FHDC1: variants seen among roughly 807,000 people sequenced by gnomAD.
The protein encoded by FHDC1 is FH2 domain containing 1.
Under a neutral mutation model 52.6 loss-of-function variants are expected in FHDC1, and 25 were observed. The ratio of observed to expected loss-of-function variants is 0.48; its 90% CI spans 0.35 to 0.66. The LOEUF (loss-of-function observed/expected upper bound fraction) is 0.66, where lower values mean the gene tolerates loss of function less well. Among genes scored for constraint, FHDC1 ranks in the 30% least tolerant of loss-of-function variants. The pLI is 0.01. For missense variants in FHDC1, 1,459 were observed against 1,452.8 expected (o/e 1.00, Z -0.07); for synonymous variants, 616 against 581.5 (o/e 1.06, Z -0.85).
the FHDC1 span, among the ~76,000 whole-genome samples, chr4:152,922,716 TA>T: frequency 6.6e-6 from 1 of 152,076 alleles, no homozygotes; most frequent in Non-Finnish European, 1.5e-5. Flanking sequence ...CGCAAATCAA[TA>T]AATGTAATCC....
Position 152,960,424 on chromosome 4 carries a change from C to T in FHDC1, c.664-141C>T, listed in dbSNP as rs181223640. On this transcript the variant is annotated intron_variant, in intron 4 of 11. Transcript: ENST00000511601. ...AACCAAATAGCAGATGGGAGGATTT[C>T]CTTTTTTGTCTTTTCTAAATTAATT... is the stretch of plus-strand genomic sequence containing the variant. The T allele has an allele frequency of 1.7e-5, 13 of 783,878 alleles. No individual in the cohort carries two copies. In the South Asian group the frequency reaches 1.8e-4, roughly 11 times the overall value. 48.6% of individuals were successfully genotyped at this position (783,878 alleles called of 1,614,324 possible).
upstream of FHDC1, among the ~76,000 whole-genome samples, chr4:152,932,557 G>T (rs970367375): frequency 1.3e-5 from 2 of 152,206 alleles, no homozygotes; most frequent in African/African-American, 2.4e-5. Flanking sequence ...GCATTTGTCT[G>T]CAAATCTGTT....
At chr4:152,968,975 G>A (rs3749595) in intron 10 of FHDC1, among the ~76,000 whole-genome samples, 3,525 of 152,054 alleles carry the variant, frequency 0.023, 241 homozygotes, top group East Asian at 0.22. Flanking sequence ...AGGGTGTGTC[G>A]GGAGCTGCTC....
At chr4:152,912,877 A>G in the FHDC1 span, among the ~76,000 whole-genome samples, 5 of 152,206 alleles carry the variant, frequency 3.3e-5, no homozygotes, top group Admixed American at 1.3e-4. Context: ...TGCAAAAGCA[A>G]TTTAGCTGAA....
At chr4:152,953,058 C>T (rs931424042) in intron 2 of FHDC1, among the ~76,000 whole-genome samples, 4 of 151,748 alleles carry the variant, frequency 2.6e-5, no homozygotes, top group Non-Finnish European at 4.4e-5. Flanking sequence ...CACTTGAACC[C>T]GGTAGGCAGA....
At chr4:152,971,457 TCC>T (rs1178535347) in intron 10 of FHDC1, among the ~76,000 whole-genome samples, 1 of 152,178 alleles carries the variant, frequency 6.6e-6, no homozygotes, top group African/African-American at 2.4e-5. Flanking sequence ...CTCATGCAGC[TCC>T]CCATGTTGTC....
chr4:152,975,944 G>C lies in FHDC1; in HGVS notation c.2653G>C (p.Gly885Arg), dbSNP rs765505969. 3 of 1,514,576 alleles carry C rather than the reference G, an allele frequency of 2.0e-6. No individual in the cohort carries two copies. The highest frequency in any genetic ancestry group is 2.6e-6 in the Non-Finnish European group (3 of 1,133,776). The allele number at this position is 1,514,576 out of a possible 1,614,324, so 93.8% of individuals were successfully genotyped here. The part of the protein sequence containing the change: ...SKPGSARRSQ[G>R]AVAKSVRTLT... ...GCCCGGGAGCGCCCGGCGGAGCCAGGGGGCAGTGGCCAAGTCTGTGCGGAC... is the reference window on the plus strand; with the variant it reads ...GCCCGGGAGCGCCCGGCGGAGCCAGCGGGCAGTGGCCAAGTCTGTGCGGAC... Residue 885 changes from glycine to arginine, a missense_variant, in exon 12 of 12, where the codon GGG (glycine) becomes CGG (arginine). Physicochemically the swap from Gly to Arg is moderately radical, Grantham distance 125. Around this residue, in one of 3 missense-constraint regions of FHDC1, gnomAD observed 939 missense variants for 854.5 expected, o/e 1.10. Coordinates refer to ENST00000511601, the MANE Select transcript of FHDC1 (RefSeq NM_001371116.1).
intron 1 of FHDC1, among the ~76,000 whole-genome samples, chr4:152,941,198 T>C (rs79759049): frequency 0.022 from 3,299 of 152,306 alleles, 112 homozygotes; most frequent in African/African-American, 0.074. Flanking sequence ...ACTAAAATAT[T>C]TGCTTTTGTA....
intron 10 of FHDC1, among the ~76,000 whole-genome samples, chr4:152,970,949 C>T (rs1740620865): frequency 6.6e-6 from 1 of 152,192 alleles, no homozygotes; most frequent in Admixed American, 6.5e-5. Context: ...TTTCCCAGCC[C>T]ATCCCCACTT....
chr4:152,945,331 C>A (rs1411784406), intron 2 of FHDC1, among the ~76,000 whole-genome samples: 1 of 152,024 alleles, frequency 6.6e-6, no homozygotes, highest in African/African-American at 2.4e-5. Flanking sequence ...CACCCCTGCA[C>A]CCTATGCAGA....
At chr4:152,941,486 T>C (rs1386044726) in intron 1 of FHDC1, among the ~76,000 whole-genome samples, 1 of 152,226 alleles carries the variant, frequency 6.6e-6, no homozygotes, top group African/African-American at 2.4e-5. Flanking sequence ...TGTTAGCTCT[T>C]TATTTTTATA....
rs1224592169 is a variant in FHDC1 at position 152,977,853 on chromosome 4, C to T, written c.*1130C>T. 1 of 152,240 alleles carries T rather than the reference C, an allele frequency of 6.6e-6. No homozygotes were observed. Among genetic ancestry groups the T allele is most frequent in the Non-Finnish European group, 1.5e-5 (1 of 68,060 alleles). 9.4% of individuals were successfully genotyped at this position (152,240 alleles called of 1,614,324 possible). A position where few individuals can be genotyped will look rare whatever the true frequency, so the allele number is the denominator to read the frequency against. ...TCCGTTGCTGGCAACTGGACTTCCC[C>T]ATAAGCCTTGGGTATCCTGTGATGG... On this transcript the variant is annotated 3_prime_UTR_variant, in exon 12 of 12. Transcript: ENST00000511601.
In FHDC1 at chr4:152,976,031, G is replaced by A. The variant is rs915853029; in HGVS notation, c.2740G>A (p.Gly914Ser). The change falls in exon 12 of 12, where the codon GGC becomes AGC. Residue 914 changes from glycine to serine, a missense_variant. This residue lies in a region of FHDC1 where 939 missense variants were observed against 854.5 expected (regional missense o/e 1.10). Transcript: ENST00000511601. ...CATGCCCATCACCAAGTCCAGCAGA[G>A]GCGCCGGCTGGAGGCGACCAGAGCT... ...KVMPITKSSR[G>S]AGWRRPELSS... The A allele has an allele frequency of 2.6e-6, 4 of 1,562,864 alleles. No homozygotes were observed. The highest frequency in any genetic ancestry group is 3.5e-6 in the Non-Finnish European group (4 of 1,158,978).
rs1221219418 is a variant in FHDC1, at chr4:152,976,272, G to A, written c.2981G>A (p.Arg994Lys). The change falls in exon 12 of 12, where the codon AGA becomes AAA. Residue 994 changes from arginine (R) to lysine (K), a missense_variant. Transcript: ENST00000511601. ...GCCAAACCACTCAGGAACCTCCCCAGACAGAAGCCTGAGGAAAATAAGACC... is the reference window on the plus strand; with the variant it reads ...GCCAAACCACTCAGGAACCTCCCCAAACAGAAGCCTGAGGAAAATAAGACC... ...PSAKPLRNLP[R>K]QKPEENKTCR... 1 of 1,613,440 alleles carries A rather than the reference G, an allele frequency of 6.2e-7. No homozygotes were observed. Among genetic ancestry groups the A allele is most frequent in the Non-Finnish European group, 8.5e-7 (1 of 1,179,982 alleles).
chr4:152,947,359 T>C (rs1739766710), intron 2 of FHDC1, among the ~76,000 whole-genome samples: 1 of 152,162 alleles, frequency 6.6e-6, no homozygotes, highest in African/African-American at 2.4e-5. Flanking sequence ...ATAAAGCAAT[T>C]AGAAATAAAG....
intron 2 of FHDC1, among the ~76,000 whole-genome samples, chr4:152,952,339 G>T (rs1415339932): frequency 6.6e-6 from 1 of 151,826 alleles, no homozygotes; most frequent in African/African-American, 2.4e-5. Context: ...CGCGATTCTT[G>T]TTAGGCCAAG....
At chr4:152,967,734 T>C (rs17029345) in intron 9 of FHDC1, among the ~76,000 whole-genome samples, 266 of 152,208 alleles carry the variant, frequency 1.7e-3, no homozygotes, top group African/African-American at 6.1e-3. Context: ...CATGGTTTTG[T>C]TTATCTTACC....
In FHDC1 at chr4:152,953,561, G is replaced by A; in HGVS notation, c.560+1G>A. On this transcript the variant is annotated splice_donor_variant, in intron 3 of 11. Transcript: ENST00000511601. LOFTEE classifies it high-confidence loss of function. ...GGATATTTCTTAAGCAATTTAAGAA[G>A]TAAGATTTTGCACACATTTGAAACT... is the stretch of plus-strand genomic sequence containing the variant. 1 of 1,610,430 alleles carries A rather than the reference G, an allele frequency of 6.2e-7. No individual in the cohort carries two copies. Among genetic ancestry groups the A allele is most frequent in the Non-Finnish European group, 8.5e-7 (1 of 1,179,290 alleles).
chr4:152,940,118 G>C (rs1397957082), intron 1 of FHDC1, among the ~76,000 whole-genome samples: 4 of 152,224 alleles, frequency 2.6e-5, no homozygotes, highest in Admixed American at 1.3e-4. Flanking sequence ...CTGTGGAAAG[G>C]GTTAGAATTC....
Sources: allele counts gnomAD v4.1 joint callset (sites outside exome capture counted in the v4.1 genomes callset), GRCh38; gene constraint gnomAD v4.1.1; regional missense constraint gnomAD v4.1.1; transcripts MANE v1.5; gene names NCBI Gene and HGNC (gene_info 2026-07-23, HGNC 2026-07-21).